Variants in LEMD1 observed in about 807,000 individuals in gnomAD.
The protein encoded by LEMD1 is LEM domain-containing protein 1.
A neutral mutation model predicts 17.4 loss-of-function variants in LEMD1; 18 were observed. That is an observed-to-expected ratio of 1.04 (90% CI 0.72 to 1.54). The LOEUF is 1.54. Among genes scored for constraint, LEMD1 ranks in the 40% most tolerant of loss-of-function variants. The pLI is 0.00. For synonymous variants in LEMD1, 88 were observed against 77.8 expected (o/e 1.13, Z -0.69); for missense variants, 195 against 210.4 (o/e 0.93, Z 0.45).
upstream of LEMD1, among the ~76,000 whole-genome samples, chr1:205,423,970 C>T (rs554055930): frequency 1.1e-4 from 16 of 152,144 alleles, no homozygotes; most frequent in African/African-American, 3.9e-4. Context: ...ACTGAAATAA[C>T]GGAAATAGTA....
chr1:205,406,085 C>T (rs980988879), intron 4 of LEMD1, among the ~76,000 whole-genome samples: 4 of 152,160 alleles, frequency 2.6e-5, no homozygotes, highest in South Asian at 2.1e-4. Context: ...GAGGAGTACC[C>T]GGCTGTGTGA....
intron 4 of LEMD1, among the ~76,000 whole-genome samples, chr1:205,388,512 C>T (rs1402934719): frequency 1.3e-5 from 2 of 152,064 alleles, no homozygotes; most frequent in African/African-American, 2.4e-5. Flanking sequence ...TTTCTAACAA[C>T]TCTAGGAGGT....
chr1:205,444,136 C>T (rs1020580386), intron 1 of LEMD1, among the ~76,000 whole-genome samples: 2 of 152,214 alleles, frequency 1.3e-5, no homozygotes, highest in Non-Finnish European at 1.5e-5. Flanking sequence ...CATCCTCCCC[C>T]TCCTTTTCCA....
At chr1:205,423,642 C>A (rs1334356263), upstream of LEMD1, among the ~76,000 whole-genome samples, 3 of 152,176 alleles carry the variant, frequency 2.0e-5, no homozygotes, top group East Asian at 5.8e-4. Flanking sequence ...GAAAATCCAC[C>A]AGCATAGTTA....
At position 205,448,162 on chromosome 1, in the gene LEMD1, G is replaced by C; in HGVS notation, c.-39+1706C>G. 2.6e-6 allele frequency: 1 copy of C among 387,394 alleles called. No individual in the cohort carries two copies. Among genetic ancestry groups the C allele is most frequent in the South Asian group, 2.1e-5 (1 of 48,182 alleles). The allele number at this position is 387,394 out of a possible 1,614,324, so 24.0% of individuals were successfully genotyped here. On this transcript the variant is annotated intron_variant, in intron 1 of 3. Coordinates refer to the LEMD1 transcript ENST00000367154. This position sits in a 1 kb window ranked among gnomAD's most constrained non-coding sequence, Gnocchi z 4.7. ...AACAGGGCCAGAAGGGAAGTGACTG[G>C]GCCAAGGTCACACGGCTTAGCCCCG...
chr1:205,447,550 G>A (rs539384945), intron 1 of LEMD1, among the ~76,000 whole-genome samples: 1 of 152,214 alleles, frequency 6.6e-6, no homozygotes, highest in Admixed American at 6.5e-5. Context: ...CAGGATGGGA[G>A]GGCTAAAATC....
intron 1 of LEMD1, among the ~76,000 whole-genome samples, chr1:205,443,486 A>C (rs1029985160): frequency 6.6e-6 from 1 of 152,124 alleles, no homozygotes; most frequent in African/African-American, 2.4e-5. Context: ...CAGAACCTAC[A>C]CATCAGAGGA....
intron 1 of LEMD1, among the ~76,000 whole-genome samples, chr1:205,443,335 G>GT (rs1666326932): frequency 1.3e-5 from 2 of 152,132 alleles, no homozygotes; most frequent in Admixed American, 6.5e-5. Context: ...TTCAATGACT[G>GT]TTCTTTCTTA....
Position 205,440,143 on chromosome 1 carries a change from C to T in LEMD1, c.-39+9725G>A, listed in dbSNP as rs148446247. ...GGCTCAGTCCAGGAAAGGGGTCCCT[C>T]AGTCTGGCCACGGCAAGACAGTCCC... On this transcript the variant is annotated intron_variant, in intron 1 of 3. Coordinates refer to the LEMD1 transcript ENST00000367154. Among the ~76,000 whole-genome samples the T allele has an allele frequency of 1.6e-3, 242 of 152,308 alleles. 1 individual carries two copies. Among genetic ancestry groups the T allele is most frequent in the African/African-American group, 5.7e-3 (238 of 41,560 alleles).
intron 4 of LEMD1, among the ~76,000 whole-genome samples, chr1:205,403,848 A>C (rs1294485488): frequency 2.0e-5 from 3 of 151,386 alleles, no homozygotes; most frequent in Non-Finnish European, 4.4e-5. Context: ...TAGTGCTATA[A>C]ATTTCCCTCT....
upstream of LEMD1, among the ~76,000 whole-genome samples, chr1:205,424,377 C>T (rs1286418394): frequency 6.6e-6 from 1 of 152,190 alleles, no homozygotes; most frequent in African/African-American, 2.4e-5. Flanking sequence ...GTGAGCTGAT[C>T]TGGTTGGCAT....
rs1202374018 is a variant in LEMD1 at position 205,381,433 on chromosome 1, G to A, written c.*225C>T. The A allele has an allele frequency of 5.2e-6, 3 of 572,974 alleles. No homozygotes were observed. In the East Asian group the frequency reaches 8.8e-5, roughly 17 times the overall value. 35.5% of individuals were successfully genotyped at this position (572,974 alleles called of 1,614,324 possible). A position where few individuals can be genotyped will look rare whatever the true frequency, so the allele number is the denominator to read the frequency against. ...AAGCACCTTTAATGAGAGTTGACAT[G>A]ACTTGGGGGATTTCCTAACCATCAT... On this transcript the variant is annotated 3_prime_UTR_variant, in exon 6 of 6. Coordinates refer to ENST00000367153, the MANE Select transcript of LEMD1 (RefSeq NM_001199050.2).
chr1:205,420,082 C>T (rs963257784), intron 2 of LEMD1, among the ~76,000 whole-genome samples: 11 of 152,150 alleles, frequency 7.2e-5, no homozygotes, highest in Admixed American at 7.2e-4. Context: ...CTTTGGGAGG[C>T]CAAGGCAGGT....
At chr1:205,409,750 C>T (rs928049911) in intron 4 of LEMD1, among the ~76,000 whole-genome samples, 5 of 150,644 alleles carry the variant, frequency 3.3e-5, no homozygotes, top group African/African-American at 1.2e-4. Context: ...CACAAGCATG[C>T]GTGCCACTAT....
chr1:205,446,639 T>G (rs1178428729), intron 1 of LEMD1, among the ~76,000 whole-genome samples: 1 of 151,520 alleles, frequency 6.6e-6, no homozygotes, highest in Non-Finnish European at 1.5e-5. Flanking sequence ...AGATCAGGAG[T>G]TAAGGGAAGG....
Position 205,428,038 on chromosome 1 carries a change from G to A in LEMD1, c.-38-7464C>T, listed in dbSNP as rs1227868424. Among the ~76,000 whole-genome samples the A allele has an allele frequency of 2.6e-5, 4 of 152,390 alleles. No homozygotes were observed. The East Asian group carries it at 7.7e-4, about 29-fold the overall frequency. On this transcript the variant is annotated intron_variant, in intron 1 of 3. Coordinates refer to the LEMD1 transcript ENST00000367154. ...AACGGGTGAGGCTGGAAGACTGGCA[G>A]AGGGCCAGACAGCCAAGGGCCTAGG...
rs1040704230 is a variant in LEMD1 at position 205,405,489 on chromosome 1, C to T, written c.270+10743G>A. 2.2e-4 allele frequency among the ~76,000 whole-genome samples: 32 copies of T among 144,100 alleles called. 1 individual carries two copies. Among genetic ancestry groups the T allele is most frequent in the Non-Finnish European group, 3.4e-4 (22 of 65,470 alleles). The allele number at this position is 144,100 out of a possible 152,430, so 94.5% of individuals were successfully genotyped here. ...ACTGATACACTTTCTTCCAGTTGAT[C>T]GCATCGGCTCCTGAGGCTTCTGCAT... On this transcript the variant is annotated intron_variant, in intron 4 of 5. Transcript: ENST00000367153.
chr1:205,404,963 C>T (rs528923081), intron 4 of LEMD1, among the ~76,000 whole-genome samples: 1 of 152,160 alleles, frequency 6.6e-6, no homozygotes, highest in African/African-American at 2.4e-5. Context: ...ACTTATGAAA[C>T]TTAGTTTGGC....
intron 4 of LEMD1, chr1:205,387,096 A>G (rs1472287776): frequency 6.6e-6 from 1 of 152,146 alleles, no homozygotes; most frequent in African/African-American, 2.4e-5. Flanking sequence ...AGGCAATCAA[A>G]TACTCCCCTT....
Sources: allele counts gnomAD v4.1 joint callset (sites outside exome capture counted in the v4.1 genomes callset), GRCh38; gene constraint gnomAD v4.1.1; non-coding constraint Gnocchi (gnomAD v3.1); transcripts MANE v1.5; gene names NCBI Gene and HGNC (gene_info 2026-07-23, HGNC 2026-07-21).